MYO7A: variants seen among roughly 807,000 people sequenced by gnomAD.
MYO7A encodes the protein unconventional myosin-VIIa.
A neutral mutation model predicts 263.8 loss-of-function variants in MYO7A; 210 were observed. The observed-to-expected ratio is 0.80, with a 90% confidence interval of 0.71 to 0.89. MYO7A has a LOEUF of 0.89. Ranked by LOEUF, MYO7A falls within the 40% of genes least tolerant of loss-of-function variation. MYO7A has a pLI of 0.00. For missense variants in MYO7A, 2,820 were observed against 2,968.3 expected (o/e 0.95, Z 1.16); for synonymous variants, 1,239 against 1,197.3 (o/e 1.03, Z -0.72).
chr11:77,149,202 G>GA (rs1555055812), intron 4 of MYO7A, among the ~76,000 whole-genome samples: 3 of 151,610 alleles, frequency 2.0e-5, no homozygotes, highest in Non-Finnish European at 4.4e-5. Context: ...AGGAAACCAA[G>GA]GATGTGCAAC....
chr11:77,212,323 A>AGG (rs1297604300), intron 46 of MYO7A: 1 of 385,198 alleles, frequency 2.6e-6, no homozygotes, highest in Non-Finnish European at 5.1e-6. Context: ...TGCTCCTGGC[A>AGG]GGGGTCCCAC....
rs1565454959 is a variant in MYO7A, at chr11:77,197,462, T to C, written c.4324-19T>C. 6.5e-7 allele frequency: 1 copy of C among 1,540,574 alleles called. No individual in the cohort carries two copies. The highest frequency in any genetic ancestry group is 8.8e-7 in the Non-Finnish European group (1 of 1,130,652). ...ACTCGTATGTTGTCTTCTGTCCCTC[T>C]GTCCCTCTCTCCTTCCAGGGGATTT... On this transcript the variant is annotated intron_variant, in intron 32 of 48. Transcript: ENST00000409709.
chr11:77,175,341 C>G, intron 17 of MYO7A, 31 bp from the exon 18 acceptor site: 1 of 1,603,310 alleles, frequency 6.2e-7, no homozygotes, highest in Non-Finnish European at 8.5e-7. Flanking sequence ...AGAGGCTGTC[C>G]ATTCCCTTGT....
At chr11:77,151,612 C>T (rs1951971771) in intron 4 of MYO7A, among the ~76,000 whole-genome samples, 1 of 152,204 alleles carries the variant, frequency 6.6e-6, no homozygotes, top group Admixed American at 6.5e-5. Flanking sequence ...AATAGTCCTC[C>T]TCTCTCCCCA....
At chr11:77,168,777 T>A (rs1953806551) in intron 15 of MYO7A, among the ~76,000 whole-genome samples, 1 of 151,854 alleles carries the variant, frequency 6.6e-6, no homozygotes, top group Non-Finnish European at 1.5e-5. Context: ...CCAGCGTGGG[T>A]GACAGAGTGA....
intron 35 of MYO7A, among the ~76,000 whole-genome samples, chr11:77,201,093 G>T (rs576052795): frequency 6.6e-6 from 1 of 152,340 alleles, no homozygotes; most frequent in Non-Finnish European, 1.5e-5. Flanking sequence ...TAAGCGTGAT[G>T]CCAGCACAGA....
At chr11:77,188,078 G>A (rs1298168472) in intron 27 of MYO7A, among the ~76,000 whole-genome samples, 2 of 152,148 alleles carry the variant, frequency 1.3e-5, no homozygotes, top group Non-Finnish European at 2.9e-5. Flanking sequence ...TAGGAAACAC[G>A]GTGCCAGGAG....
At chr11:77,161,205 T>G (rs1555068595) in intron 12 of MYO7A, 90 bp downstream of exon 12, 4 of 1,498,656 alleles carry the variant, frequency 2.7e-6, no homozygotes, top group East Asian at 2.3e-5. Context: ...CACATTTAGT[T>G]GGCTCCTGGC....
rs1555054892 is a variant in MYO7A at position 77,147,950 on chromosome 11, C to T, written c.285C>T (p.Tyr95=). 1.3e-6 allele frequency: 2 copies of T among 1,543,836 alleles called. No individual in the cohort carries two copies. The highest frequency in any genetic ancestry group is 1.7e-6 in the Non-Finnish European group (2 of 1,143,720). ...LLIRYRDHLI[Y]TYTGSILVAV... ...TCCGCTACCGGGACCACCTCATCTACGTGAGTGCCGCCCCGCCCGGTGCCC... is the reference window on the plus strand; with the variant it reads ...TCCGCTACCGGGACCACCTCATCTATGTGAGTGCCGCCCCGCCCGGTGCCC... Residue 95 remains tyrosine, a splice_region_variant and synonymous_variant, in exon 4 of 49, where the codon TAC becomes TAT. Transcript: ENST00000409709.
intron 39 of MYO7A, among the ~76,000 whole-genome samples, chr11:77,204,831 A>G (rs995216922): frequency 1.3e-5 from 2 of 152,156 alleles, no homozygotes; most frequent in African/African-American, 4.8e-5. Flanking sequence ...ACTACACATC[A>G]GCTCTTTTGA....
intron 26 of MYO7A, among the ~76,000 whole-genome samples, chr11:77,183,955 G>A (rs1467004110): frequency 1.3e-5 from 2 of 152,136 alleles, no homozygotes; most frequent in African/African-American, 4.8e-5. Flanking sequence ...CACTCCGTGG[G>A]GTCCTGGGAA....
chr11:77,144,758 C>T (rs1472911534), intron 3 of MYO7A, among the ~76,000 whole-genome samples: 2 of 152,162 alleles, frequency 1.3e-5, no homozygotes, highest in African/African-American at 4.8e-5. Flanking sequence ...GGCAAAGACT[C>T]GCTGAGTGAT....
At chr11:77,197,948 C>T (rs529854966) in intron 33 of MYO7A, among the ~76,000 whole-genome samples, 177 of 152,266 alleles carry the variant, frequency 1.2e-3, no homozygotes, top group Admixed American at 1.8e-3. Context: ...CAGTGGTGCA[C>T]GGGATTGAAA....
intron 18 of MYO7A, among the ~76,000 whole-genome samples, chr11:77,177,339 G>A (rs1365561847): frequency 1.3e-5 from 2 of 152,216 alleles, no homozygotes; most frequent in African/African-American, 4.8e-5. Flanking sequence ...CATTTGTCCT[G>A]CCTGGACCTC....
At chr11:77,171,260 T>C (rs1454153573) in intron 15 of MYO7A, among the ~76,000 whole-genome samples, 1 of 152,166 alleles carries the variant, frequency 6.6e-6, no homozygotes, top group Non-Finnish European at 1.5e-5. Context: ...TGTGTGTGTG[T>C]GTGCATGCGT....
At chr11:77,175,298 G>A in intron 17 of MYO7A, 74 bp from the exon 18 acceptor site, 3 of 1,393,264 alleles carry the variant, frequency 2.2e-6, no homozygotes, top group Non-Finnish European at 3.0e-6. Context: ...CTGCCTCTCA[G>A]CCTCGGGGAC....
Position 77,211,786 on chromosome 11 carries a change from G to T in MYO7A, c.6238-35G>T, listed in dbSNP as rs769971323. 19 of 1,564,428 alleles carry T rather than the reference G, an allele frequency of 1.2e-5. No homozygotes were observed. The South Asian group carries it at 2.0e-4, about 16-fold the overall frequency. On this transcript the variant is annotated intron_variant, in intron 45 of 48. Transcript: ENST00000409709. ...CTGCCCTGAGCAGGCCTGTCCCCAG[G>T]ACTGAGCCCAGCCCTGACCGCCCTG...
intron 27 of MYO7A, among the ~76,000 whole-genome samples, chr11:77,185,285 A>G (rs1955576497): frequency 6.6e-6 from 1 of 152,232 alleles, no homozygotes; most frequent in Non-Finnish European, 1.5e-5. Context: ...TGTAGCATGC[A>G]ATGCTGTTTG....
At chr11:77,154,434 G>T (rs1361836160) in intron 4 of MYO7A, among the ~76,000 whole-genome samples, 2 of 152,210 alleles carry the variant, frequency 1.3e-5, no homozygotes, top group Admixed American at 1.3e-4. Context: ...GGCCATGTGG[G>T]TGTCATTCGT....
Sources: allele counts gnomAD v4.1 joint callset (sites outside exome capture counted in the v4.1 genomes callset), GRCh38; gene constraint gnomAD v4.1.1; transcripts MANE v1.5; gene names NCBI Gene and HGNC (gene_info 2026-07-23, HGNC 2026-07-21).